CNTN4: variants seen among roughly 807,000 people sequenced by gnomAD.
CNTN4 encodes the protein contactin 4.
Under a neutral mutation model 122.5 loss-of-function variants are expected in CNTN4, and 77 were observed. The observed-to-expected ratio is 0.63, with a 90% confidence interval of 0.52 to 0.76. The LOEUF (loss-of-function observed/expected upper bound fraction) is 0.76, where lower values mean the gene tolerates loss of function less well. Among genes scored for constraint, CNTN4 ranks in the 30% least tolerant of loss-of-function variants. CNTN4 has a pLI of 0.00. For synonymous variants in CNTN4, 512 were observed against 447.0 expected (o/e 1.15, Z -1.83); for missense variants, 1,256 against 1,259.1 (o/e 1.00, Z 0.04).
chr3:2,407,611 C>T (rs1038652171), intron 3 of CNTN4, among the ~76,000 whole-genome samples: 3 of 152,094 alleles, frequency 2.0e-5, no homozygotes, highest in African/African-American at 7.2e-5. Flanking sequence ...GCTGCCTGAC[C>T]ACATACTTCG....
chr3:2,445,152 G>C (rs1385849291), intron 3 of CNTN4, among the ~76,000 whole-genome samples: 1 of 152,158 alleles, frequency 6.6e-6, no homozygotes, highest in African/African-American at 2.4e-5. Flanking sequence ...CTGCAGCACA[G>C]AGGTCAGAGG....
At chr3:2,276,114 C>T (rs1321073130) in intron 2 of CNTN4, among the ~76,000 whole-genome samples, 1 of 151,688 alleles carries the variant, frequency 6.6e-6, no homozygotes, top group Non-Finnish European at 1.5e-5. Context: ...CATGTCATAT[C>T]TTTTTAACAT....
chr3:2,186,134 A>T (rs760522257), intron 2 of CNTN4, among the ~76,000 whole-genome samples: 8 of 149,048 alleles, frequency 5.4e-5, no homozygotes, highest in East Asian at 4.0e-4. Flanking sequence ...CCTGTGTCCA[A>T]GTGTTCTCAT....
chr3:2,663,885 G>T (rs73112548), intron 4 of CNTN4, among the ~76,000 whole-genome samples: 1 of 152,090 alleles, frequency 6.6e-6, no homozygotes, highest in Non-Finnish European at 1.5e-5. Context: ...AAGTAAAAGA[G>T]TCCTGTCCAA....
intron 2 of CNTN4, among the ~76,000 whole-genome samples, chr3:2,140,713 TAA>T (rs1450705924): frequency 1.3e-5 from 2 of 152,196 alleles, no homozygotes; most frequent in Non-Finnish European, 2.9e-5. Flanking sequence ...ATAGGCCAAT[TAA>T]GAACTAGGTA....
intron 2 of CNTN4, among the ~76,000 whole-genome samples, chr3:2,299,074 A>C (rs573877599): frequency 6.6e-6 from 1 of 152,150 alleles, no homozygotes; most frequent in African/African-American, 2.4e-5. Context: ...ATTAAACAGC[A>C]TTCTGACTTG....
intron 7 of CNTN4, among the ~76,000 whole-genome samples, chr3:2,822,306 C>A (rs1046198350): frequency 6.6e-6 from 1 of 152,156 alleles, no homozygotes; most frequent in African/African-American, 2.4e-5. Flanking sequence ...ATTCTTTATG[C>A]CTCACTCTGC....
intron 3 of CNTN4, among the ~76,000 whole-genome samples, chr3:2,551,723 C>T (rs2078515003): frequency 6.6e-6 from 1 of 152,068 alleles, no homozygotes; most frequent in African/African-American, 2.4e-5. Flanking sequence ...TGTACAGAAA[C>T]ATGTTTATCA....
intron 2 of CNTN4, among the ~76,000 whole-genome samples, chr3:2,126,435 G>C (rs1411385637): frequency 6.6e-6 from 1 of 152,098 alleles, no homozygotes; most frequent in African/African-American, 2.4e-5. Context: ...TGTACTTTCT[G>C]AGCAATAAGA....
chr3:2,144,673 TTAA>T (rs1246071698), intron 2 of CNTN4, among the ~76,000 whole-genome samples: 1 of 152,208 alleles, frequency 6.6e-6, no homozygotes, highest in Non-Finnish European at 1.5e-5. Flanking sequence ...CATCCTAATG[TTAA>T]TAATGATTCT....
intron 2 of CNTN4, among the ~76,000 whole-genome samples, chr3:2,206,459 A>G (rs1243296041): frequency 6.6e-6 from 1 of 152,138 alleles, no homozygotes; most frequent in Non-Finnish European, 1.5e-5. Flanking sequence ...TAAATAATGA[A>G]TGTGAATACT....
intron 2 of CNTN4, among the ~76,000 whole-genome samples, chr3:2,188,221 G>A (rs2037365122): frequency 6.6e-6 from 1 of 152,090 alleles, no homozygotes; most frequent in Non-Finnish European, 1.5e-5. Context: ...CTTCAACATG[G>A]AAGTCCATGA....
At chr3:2,287,257 G>A (rs2041934161) in intron 2 of CNTN4, among the ~76,000 whole-genome samples, 1 of 152,062 alleles carries the variant, frequency 6.6e-6, no homozygotes, top group Admixed American at 6.6e-5. Context: ...AAATATGCTA[G>A]TTTTTTTCAT....
intron 2 of CNTN4, among the ~76,000 whole-genome samples, chr3:2,323,733 A>G (rs926090149): frequency 6.6e-6 from 1 of 152,230 alleles, no homozygotes; most frequent in Non-Finnish European, 1.5e-5. Flanking sequence ...ATGCTCATAT[A>G]GCTGTGTATA....
chr3:2,434,993 G>C (rs927324666), intron 3 of CNTN4, among the ~76,000 whole-genome samples: 1 of 152,016 alleles, frequency 6.6e-6, no homozygotes, highest in South Asian at 2.1e-4. Flanking sequence ...CACAAGAAGG[G>C]CTTTTTCAAA....
At chr3:2,191,759 C>T (rs956328197) in intron 2 of CNTN4, among the ~76,000 whole-genome samples, 4 of 151,636 alleles carry the variant, frequency 2.6e-5, no homozygotes, top group African/African-American at 4.8e-5. Flanking sequence ...ACTTTAAGTT[C>T]TAGGGTACAT....
chr3:2,171,030 G>A lies in CNTN4; in HGVS notation c.-145+70391G>A, dbSNP rs114073264. ...AGAATGTTTCTAACTTTTAAGCAAGGACTTCCTCAGCCTGATTTTAGTCGA... is the reference window on the plus strand; with the variant it reads ...AGAATGTTTCTAACTTTTAAGCAAGAACTTCCTCAGCCTGATTTTAGTCGA... On this transcript the variant is annotated intron_variant, in intron 2 of 24. Transcript: ENST00000418658. Among the ~76,000 whole-genome samples, 1,386 of 152,182 alleles carry A rather than the reference G, an allele frequency of 9.1e-3. 13 individuals carry two copies. The highest frequency in any genetic ancestry group is 0.024 in the Middle Eastern group (7 of 294).
At chr3:2,125,318 A>G (rs946885452) in intron 2 of CNTN4, among the ~76,000 whole-genome samples, 2 of 119,844 alleles carry the variant, frequency 1.7e-5, no homozygotes, top group African/African-American at 5.9e-5. Context: ...AGGCTGAGTA[A>G]CATTCTATTC....
At chr3:2,734,648 C>CTT (rs71058638) in intron 4 of CNTN4, among the ~76,000 whole-genome samples, 1,797 of 139,454 alleles carry the variant, frequency 0.013, 23 homozygotes, top group African/African-American at 0.019. Context: ...GCATGAAGTG[C>CTT]TTTTTTTTTT....
Sources: gnomAD v4.1 joint callset for allele counts (sites outside exome capture counted in the v4.1 genomes callset) on GRCh38, gnomAD v4.1.1 for gene constraint, MANE v1.5 for transcripts, NCBI Gene and HGNC (gene_info 2026-07-23, HGNC 2026-07-21) for gene names.